The following HCLS1 variants were observed in gnomAD, a reference collection of about 807,000 sequenced individuals.
HCLS1 encodes hematopoietic lineage cell-specific protein.
Under a neutral mutation model 68.6 loss-of-function variants are expected in HCLS1, and 44 were observed. The observed-to-expected ratio is 0.64, with a 90% CI of 0.50 to 0.82. The LOEUF (loss-of-function observed/expected upper bound fraction) is 0.82, where lower values mean the gene tolerates loss of function less well. Among genes scored for constraint, HCLS1 ranks in the 40% least tolerant of loss-of-function variants. HCLS1 has a pLI of 0.00. For missense variants in HCLS1, 602 were observed against 612.1 expected, an observed-to-expected ratio of 0.98 and a Z score of 0.17; for synonymous variants, 217 against 225.8, an observed-to-expected ratio of 0.96 and a Z score of 0.35.
At position 121,647,626 on chromosome 3, in the gene HCLS1, C is replaced by T. The variant is rs563014515; in HGVS notation, c.159-178G>A. The T allele has an allele frequency of 2.2e-5, 12 of 557,494 alleles. No individual in the cohort carries two copies. In the African/African-American group the frequency reaches 2.2e-4, roughly 10 times the overall value. The allele number at this position is 557,494 out of a possible 1,614,324, so 34.5% of individuals were successfully genotyped here. The stretch of plus-strand genomic sequence containing the variant: ...GATCAGTCTGGCCTGCATACCATAG[C>T]CTGATTTAAACTCTCCATAGGCCAA... On this transcript the variant is annotated intron_variant, in intron 3 of 13. Coordinates refer to ENST00000314583, the MANE Select transcript of HCLS1 (RefSeq NM_005335.6).
chr3:121,651,775 C>G (rs1937755898), intron 3 of HCLS1, among the ~76,000 whole-genome samples: 1 of 152,160 alleles, frequency 6.6e-6, no homozygotes, highest in African/African-American at 2.4e-5. Context: ...GCATCTGAAA[C>G]CCACACATTA....
intron 7 of HCLS1, among the ~76,000 whole-genome samples, 181 bp from the exon 8 acceptor site, chr3:121,636,670 G>A (rs1318536289): frequency 1.3e-5 from 2 of 152,164 alleles, no homozygotes; most frequent in African/African-American, 4.8e-5. Context: ...AAATCTGGGA[G>A]CGAATGGAGA....
rs150068129 is a variant in HCLS1, at chr3:121,657,259, C to T, written c.158+20G>A. On this transcript the variant is annotated intron_variant, in intron 3 of 13. Coordinates refer to ENST00000314583, the MANE Select transcript of HCLS1 (RefSeq NM_005335.6). ...CTTCCCATAACCCCCTTCCTTTTCT[C>T]CAGTCCTTTCGGCACCTACTTGATG... 2.2e-4 allele frequency: 355 copies of T among 1,608,788 alleles called. 2 individuals carry two copies. The East Asian group carries it at 7.2e-3, about 33-fold the overall frequency.
intron 6 of HCLS1, among the ~76,000 whole-genome samples, chr3:121,642,033 T>C (rs1576463930): frequency 8.1e-6 from 1 of 122,780 alleles, no homozygotes; most frequent in Non-Finnish European, 1.6e-5. Context: ...TGAGCCGAGA[T>C]CCAGCCACTG....
intron 3 of HCLS1, chr3:121,653,565 A>G (rs1303042733): frequency 6.6e-6 from 1 of 152,218 alleles, no homozygotes; most frequent in African/African-American, 2.4e-5. Flanking sequence ...CAGGGATGGT[A>G]CTATAATCTC....
intron 6 of HCLS1, among the ~76,000 whole-genome samples, chr3:121,640,931 C>A (rs1266727159): frequency 6.6e-6 from 1 of 151,758 alleles, no homozygotes; most frequent in Non-Finnish European, 1.5e-5. Context: ...ATGCAATGGA[C>A]AGCTTAAACA....
At chr3:121,637,476 A>G (rs1023921650) in intron 6 of HCLS1, among the ~76,000 whole-genome samples, 1 of 152,130 alleles carries the variant, frequency 6.6e-6, no homozygotes, top group African/African-American at 2.4e-5. Context: ...CCATGCCAAG[A>G]TGAGAAGAAC....
At chr3:121,641,112 T>G (rs930456246) in intron 6 of HCLS1, among the ~76,000 whole-genome samples, 9 of 152,022 alleles carry the variant, frequency 5.9e-5, no homozygotes, top group African/African-American at 2.2e-4. Context: ...AAAAGGGCAG[T>G]AAGTCCCATA....
At chr3:121,644,983 T>A (rs2049233072) in intron 4 of HCLS1, 55 bp from the exon 5 acceptor site, 1 of 1,324,884 alleles carries the variant, frequency 7.5e-7, no homozygotes, top group Non-Finnish European at 1.1e-6. Flanking sequence ...CTTAAAAAAA[T>A]AAATACAGAT....
At chr3:121,638,897 T>TA (rs2049173247) in intron 6 of HCLS1, among the ~76,000 whole-genome samples, 1 of 151,878 alleles carries the variant, frequency 6.6e-6, no homozygotes, top group South Asian at 2.1e-4. Flanking sequence ...AAGAAAAATG[T>TA]AAAAAACCAG....
intron 6 of HCLS1, among the ~76,000 whole-genome samples, chr3:121,642,252 G>A (rs1458119177): frequency 6.9e-6 from 1 of 145,178 alleles, no homozygotes; most frequent in South Asian, 2.2e-4. Flanking sequence ...GAGGTCAGGA[G>A]ATCGACACCA....
At chr3:121,647,208 C>T (rs1167731439) in intron 4 of HCLS1, 111 bp downstream of exon 4, 3 of 1,067,424 alleles carry the variant, frequency 2.8e-6, no homozygotes, top group Non-Finnish European at 4.2e-6. Flanking sequence ...GTCTCGATCT[C>T]CTAACCTCAT....
intron 3 of HCLS1, chr3:121,656,792 G>A (rs1164156094): frequency 6.6e-6 from 1 of 152,474 alleles, no homozygotes; most frequent in Non-Finnish European, 1.5e-5. Context: ...TCTTTTTATA[G>A]CATTTATTCT....
At chr3:121,647,153 T>A (rs923645106) in intron 4 of HCLS1, among the ~76,000 whole-genome samples, 166 bp downstream of exon 4, 2 of 151,736 alleles carry the variant, frequency 1.3e-5, no homozygotes, top group African/African-American at 4.8e-5. Flanking sequence ...GGCTAATTTT[T>A]TGTATTTTTA....
Position 121,631,779 on chromosome 3 carries a change from G to C in HCLS1, c.*67C>G. ...GGTTAGACATTTGCAGCAGGAATAG[G>C]GAGGGGGTGGAGGCAGAGCCACTTT... is the stretch of plus-strand genomic sequence containing the variant. On this transcript the variant is annotated 3_prime_UTR_variant, in exon 14 of 14. Coordinates refer to ENST00000314583, the MANE Select transcript of HCLS1 (RefSeq NM_005335.6). The C allele has an allele frequency of 1.3e-6, 2 of 1,548,390 alleles. No homozygotes were observed. The highest frequency in any genetic ancestry group is 1.1e-5 in the South Asian group (1 of 87,692).
intron 6 of HCLS1, among the ~76,000 whole-genome samples, chr3:121,641,184 G>A (rs2049194491): frequency 6.6e-6 from 1 of 151,836 alleles, no homozygotes; most frequent in African/African-American, 2.4e-5. Context: ...GAATATCAGA[G>A]ACCAAAAGAA....
At chr3:121,644,545 A>G (rs780855779) in intron 5 of HCLS1, 49 of 551,086 alleles carry the variant, frequency 8.9e-5, no homozygotes, top group Non-Finnish European at 1.6e-4. Flanking sequence ...ATATGAGTAT[A>G]ATAAAAACCA....
At position 121,631,957 on chromosome 3, in the gene HCLS1, A is replaced by G; in HGVS notation, c.1350T>C (p.Asp450=). 1 of 1,614,210 alleles carries G rather than the reference A, an allele frequency of 6.2e-7. No homozygotes were observed. Among genetic ancestry groups the G allele is most frequent in the Non-Finnish European group, 8.5e-7 (1 of 1,180,030 alleles). The part of the protein sequence containing the change: ...QGEGSDELSF[D]PDDVITDIEM... ...CAATGTCAGTGATTACGTCGTCCGG[A>G]TCAAAGGAAAGCTCATCACTTCCCT... Residue 450 remains aspartate, a synonymous_variant, in exon 14 of 14, where the codon GAT becomes GAC. Coordinates refer to ENST00000314583, the MANE Select transcript of HCLS1 (RefSeq NM_005335.6).
In HCLS1 at chr3:121,632,351, A is replaced by C; in HGVS notation, c.1221T>G (p.Ser407=). ...YEEVLEPEDS[S]FSSALAGSSG... is the part of the protein sequence containing the mutation. ...ACTCACCAGCCAGAGCAGAAGAAAA[A>C]GAAGAATCTTCAGGCTCGAGCACCT... Residue 407 remains serine, a synonymous_variant, in exon 12 of 14, where the codon TCT becomes TCG. Transcript: ENST00000314583. 6.2e-7 allele frequency: 1 copy of C among 1,614,102 alleles called. No homozygotes were observed. Among genetic ancestry groups the C allele is most frequent in the Non-Finnish European group, 8.5e-7 (1 of 1,180,006 alleles).
Sources: gnomAD v4.1 joint callset for allele counts (sites outside exome capture counted in the v4.1 genomes callset) on GRCh38, gnomAD v4.1.1 for gene constraint, MANE v1.5 for transcripts, NCBI Gene and HGNC (gene_info 2026-07-23, HGNC 2026-07-21) for gene names.